The following GRID2 variants were observed in gnomAD, a reference collection of about 807,000 sequenced individuals.
GRID2 encodes glutamate receptor ionotropic, delta-2.
In GRID2, 33 loss-of-function variants were observed where a neutral mutation model predicts 114.8. The observed-to-expected ratio is 0.29, with a 90% confidence interval of 0.22 to 0.38. The LOEUF (loss-of-function observed/expected upper bound fraction) is 0.38. Ranked by LOEUF, GRID2 falls within the 10% of genes least tolerant of loss-of-function variation. The probability of loss-of-function intolerance (pLI) is 1.00; values close to 1 mark genes in which losing one functional copy is unlikely to be tolerated. For synonymous variants in GRID2, 505 were observed against 449.9 expected (o/e 1.12, Z -1.55); for missense variants, 1,184 against 1,257.7 (o/e 0.94, Z 0.89).
At chr4:93,602,885 T>A (rs1739834403) in intron 13 of GRID2, among the ~76,000 whole-genome samples, 1 of 152,200 alleles carries the variant, frequency 6.6e-6, no homozygotes, top group Non-Finnish European at 1.5e-5. Context: ...GGAAATTAAA[T>A]GTGCTACTCC....
At chr4:93,718,981 A>G (rs7691534) in intron 14 of GRID2, among the ~76,000 whole-genome samples, 6,407 of 152,186 alleles carry the variant, frequency 0.042, 218 homozygotes, top group African/African-American at 0.084. Flanking sequence ...ATAGCTGATG[A>G]TGGATGATTA....
At chr4:93,233,339 T>TA (rs1746368198) in intron 7 of GRID2, among the ~76,000 whole-genome samples, 2 of 150,338 alleles carry the variant, frequency 1.3e-5, no homozygotes, top group African/African-American at 4.9e-5. Flanking sequence ...ATTATTATTT[T>TA]TTTTTTTATT....
At chr4:93,086,237 T>C (rs1730317050) in intron 3 of GRID2, among the ~76,000 whole-genome samples, 1 of 152,202 alleles carries the variant, frequency 6.6e-6, no homozygotes, top group African/African-American at 2.4e-5. Context: ...TTTTACAGTT[T>C]TCTGAAAAGA....
At chr4:93,629,974 C>A (rs1743092910) in intron 14 of GRID2, among the ~76,000 whole-genome samples, 1 of 152,234 alleles carries the variant, frequency 6.6e-6, no homozygotes, top group African/African-American at 2.4e-5. Context: ...GATGAGTCTG[C>A]ACCTGGACAA....
intron 7 of GRID2, among the ~76,000 whole-genome samples, chr4:93,229,035 A>C (rs1215380068): frequency 1.3e-5 from 2 of 152,176 alleles, no homozygotes; most frequent in Middle Eastern, 3.2e-3. Flanking sequence ...CCCCAGTGTC[A>C]CATTTTAAAG....
chr4:92,945,392 T>A (rs925559639), intron 2 of GRID2, among the ~76,000 whole-genome samples: 1 of 152,158 alleles, frequency 6.6e-6, no homozygotes, highest in African/African-American at 2.4e-5. Flanking sequence ...TGTTTTTTTT[T>A]CCCAATGGGA....
At chr4:93,357,946 C>A (rs1306336849) in intron 8 of GRID2, among the ~76,000 whole-genome samples, 2 of 151,618 alleles carry the variant, frequency 1.3e-5, no homozygotes, top group African/African-American at 4.8e-5. Context: ...GTGATATATT[C>A]TAATTACAAT....
At chr4:92,439,346 G>A (rs1732900701) in intron 1 of GRID2, among the ~76,000 whole-genome samples, 1 of 152,274 alleles carries the variant, frequency 6.6e-6, no homozygotes, top group East Asian at 1.9e-4. Flanking sequence ...GGCCATCTGG[G>A]CGTATATGTG....
At chr4:92,676,909 G>T (rs1311541151) in intron 2 of GRID2, among the ~76,000 whole-genome samples, 2 of 152,172 alleles carry the variant, frequency 1.3e-5, no homozygotes, top group African/African-American at 2.4e-5. Context: ...AGCAAAATGT[G>T]CTATATGCAT....
At chr4:93,375,000 A>G (rs566298269) in intron 8 of GRID2, among the ~76,000 whole-genome samples, 1 of 152,184 alleles carries the variant, frequency 6.6e-6, no homozygotes, top group African/African-American at 2.4e-5. Context: ...ACATTAATCA[A>G]TGCTTTGGGT....
At chr4:92,897,517 T>A (rs1335018744) in intron 2 of GRID2, among the ~76,000 whole-genome samples, 1 of 152,198 alleles carries the variant, frequency 6.6e-6, no homozygotes, top group Admixed American at 6.5e-5. Flanking sequence ...TCTTTCAGAA[T>A]CTTTCCATGC....
At chr4:92,920,703 C>T (rs1308053760) in intron 2 of GRID2, among the ~76,000 whole-genome samples, 4 of 152,212 alleles carry the variant, frequency 2.6e-5, no homozygotes, top group Non-Finnish European at 5.9e-5. Context: ...TGTAGAGTTT[C>T]TGCGGAGAGA....
chr4:92,871,389 T>C (rs1745267784), intron 2 of GRID2, among the ~76,000 whole-genome samples: 1 of 152,190 alleles, frequency 6.6e-6, no homozygotes, highest in Non-Finnish European at 1.5e-5. Flanking sequence ...TTGTTTTGGT[T>C]TGTTTTGCAT....
At chr4:93,719,440 A>C (rs920547989) in intron 14 of GRID2, among the ~76,000 whole-genome samples, 4 of 152,168 alleles carry the variant, frequency 2.6e-5, no homozygotes, top group African/African-American at 7.2e-5. Flanking sequence ...AAATGCTCCA[A>C]AGGCTCATCT....
At chr4:93,085,412 T>A in intron 3 of GRID2, 133 bp downstream of exon 3, 1 of 713,076 alleles carries the variant, frequency 1.4e-6, no homozygotes, top group Non-Finnish European at 2.3e-6. Flanking sequence ...ATTTTTCTTA[T>A]AAACATAGCA....
intron 14 of GRID2, among the ~76,000 whole-genome samples, chr4:93,714,188 T>C (rs1180564682): frequency 2.0e-5 from 3 of 151,808 alleles, no homozygotes; most frequent in Non-Finnish European, 4.4e-5. Context: ...GAACATGTGG[T>C]GTTTGGTTTT....
At chr4:93,172,402 C>G (rs1337260762) in intron 4 of GRID2, among the ~76,000 whole-genome samples, 2 of 151,920 alleles carry the variant, frequency 1.3e-5, no homozygotes, top group East Asian at 3.9e-4. Context: ...ACCAGCCTGG[C>G]CAACATAGTG....
At chr4:93,762,136 T>A (rs890763844) in intron 14 of GRID2, among the ~76,000 whole-genome samples, 1 of 152,104 alleles carries the variant, frequency 6.6e-6, no homozygotes, top group African/African-American at 2.4e-5. Flanking sequence ...GAGAGGAAAA[T>A]TTTGTGAAAA....
At chr4:92,347,012 T>C (rs1018335921) in intron 1 of GRID2, among the ~76,000 whole-genome samples, 3 of 152,226 alleles carry the variant, frequency 2.0e-5, no homozygotes, top group Admixed American at 2.0e-4. Flanking sequence ...AGAAAATATG[T>C]TCTGCTTTCC....
Sources: gnomAD v4.1 joint callset for allele counts (sites outside exome capture counted in the v4.1 genomes callset) on GRCh38, gnomAD v4.1.1 for gene constraint, MANE v1.5 for transcripts, NCBI Gene and HGNC (gene_info 2026-07-23, HGNC 2026-07-21) for gene names.